KLF12: variants seen among roughly 807,000 people sequenced by gnomAD.
KLF12 encodes Krueppel-like factor 12.
KLF12 carries 9 observed loss-of-function variants against 37.8 expected under a neutral mutation model. The observed-to-expected ratio is 0.24, with a 90% CI of 0.14 to 0.42. The LOEUF is 0.42. Ranked by LOEUF, KLF12 falls within the 10% of genes least tolerant of loss-of-function variation. The pLI, the probability that KLF12 is intolerant of heterozygous loss-of-function variation, is 1.00. For missense variants in KLF12, 411 were observed against 516.0 expected (o/e 0.80, Z 1.97); for synonymous variants, 208 against 202.1 (o/e 1.03, Z -0.25).
chr13:74,033,152 A>G (rs1490673846), intron 1 of KLF12, among the ~76,000 whole-genome samples: 1 of 152,218 alleles, frequency 6.6e-6, no homozygotes, highest in African/African-American at 2.4e-5. Context: ...ACATTAAGAA[A>G]TGAAAACACC....
the KLF12 span, among the ~76,000 whole-genome samples, chr13:74,187,612 T>C: frequency 6.6e-6 from 1 of 152,196 alleles, no homozygotes; most frequent in Non-Finnish European, 1.5e-5. Context: ...AGACAGTAAG[T>C]AAATATTTGA....
At chr13:73,732,068 G>A (rs1566326281) in intron 6 of KLF12, among the ~76,000 whole-genome samples, 1 of 147,202 alleles carries the variant, frequency 6.8e-6, no homozygotes, top group Non-Finnish European at 1.5e-5. Flanking sequence ...TGTGTTAACT[G>A]TAATTATTAA....
At chr13:74,069,418 G>A (rs901934737) in intron 1 of KLF12, among the ~76,000 whole-genome samples, 6 of 152,172 alleles carry the variant, frequency 3.9e-5, no homozygotes, top group Non-Finnish European at 7.3e-5. Flanking sequence ...CCTGCAGAGT[G>A]AGTTATGGTG....
At chr13:73,919,594 G>T (rs1319590685) in intron 3 of KLF12, among the ~76,000 whole-genome samples, 1 of 152,122 alleles carries the variant, frequency 6.6e-6, no homozygotes, top group Non-Finnish European at 1.5e-5. Flanking sequence ...TGTACAGTTT[G>T]CCCTAACGGG....
chr13:73,945,251 C>G (rs907462849), intron 2 of KLF12, among the ~76,000 whole-genome samples: 2 of 152,024 alleles, frequency 1.3e-5, no homozygotes, highest in African/African-American at 2.4e-5. Flanking sequence ...GGTGGATCAC[C>G]TGAGGTCAGG....
chr13:74,024,382 C>G (rs987404467), intron 1 of KLF12, among the ~76,000 whole-genome samples: 1 of 152,184 alleles, frequency 6.6e-6, no homozygotes, highest in Admixed American at 6.5e-5. Flanking sequence ...TTTGATTGTA[C>G]TCACTATATA....
chr13:73,882,140 T>C (rs17061638), intron 3 of KLF12, among the ~76,000 whole-genome samples: 3,915 of 152,306 alleles, frequency 0.026, 83 homozygotes, highest in South Asian at 0.056. Flanking sequence ...GCTACTCTTA[T>C]CTTTTACCTG....
chr13:73,907,631 A>G (rs1384939601), intron 3 of KLF12, among the ~76,000 whole-genome samples: 1 of 152,206 alleles, frequency 6.6e-6, no homozygotes, highest in Non-Finnish European at 1.5e-5. Flanking sequence ...CAAGACCCAG[A>G]GTAGTTAAGT....
At position 73,818,305 on chromosome 13, in the gene KLF12, C is replaced by T. The variant is rs182158034; in HGVS notation, c.671-5018G>A. Reference sequence around the variant, plus strand: ...GGATTACAGGCGACAGCCACTGCGCCGGCCGAACACTTTTTCAGCTCTTCT... The same window carrying T: ...GGATTACAGGCGACAGCCACTGCGCTGGCCGAACACTTTTTCAGCTCTTCT... On this transcript the variant is annotated intron_variant, in intron 4 of 7. Transcript: ENST00000377669. 4.6e-5 allele frequency among the ~76,000 whole-genome samples: 7 copies of T among 152,356 alleles called. No individual in the cohort carries two copies. In the East Asian group the frequency reaches 7.7e-4, roughly 17 times the overall value.
intron 1 of KLF12, among the ~76,000 whole-genome samples, chr13:74,003,323 A>G (rs1892328680): frequency 6.6e-6 from 1 of 152,192 alleles, no homozygotes; most frequent in Non-Finnish European, 1.5e-5. Flanking sequence ...GAATTTGAGA[A>G]TAATCATACA....
At chr13:74,294,047 G>T in the KLF12 span, among the ~76,000 whole-genome samples, 2 of 152,156 alleles carry the variant, frequency 1.3e-5, no homozygotes, top group African/African-American at 2.4e-5. Context: ...AGCCGTCAAA[G>T]GGACCTTATT....
chr13:74,180,188 T>C, the KLF12 span, among the ~76,000 whole-genome samples: 1 of 152,102 alleles, frequency 6.6e-6, no homozygotes, highest in African/African-American at 2.4e-5. Flanking sequence ...CCTGAACTAA[T>C]AGTAGGTGTT....
the KLF12 span, among the ~76,000 whole-genome samples, chr13:74,165,873 C>T: frequency 2.9e-3 from 449 of 152,310 alleles, 1 homozygote; most frequent in Middle Eastern, 0.014. Context: ...TAGGATCCCA[C>T]ATTGCCTGAG....
intron 1 of KLF12, among the ~76,000 whole-genome samples, chr13:74,097,382 C>A (rs1022854780): frequency 2.6e-5 from 4 of 152,174 alleles, no homozygotes; most frequent in Non-Finnish European, 5.9e-5. Context: ...ATTACCTAAG[C>A]TTGCTCTGAC....
At chr13:73,978,646 T>C (rs1194449240) in intron 2 of KLF12, among the ~76,000 whole-genome samples, 1 of 152,206 alleles carries the variant, frequency 6.6e-6, no homozygotes, top group Non-Finnish European at 1.5e-5. Context: ...GGCTTAATGA[T>C]CTAGTAATCT....
At chr13:73,917,239 A>G (rs1471979061) in intron 3 of KLF12, among the ~76,000 whole-genome samples, 3 of 152,172 alleles carry the variant, frequency 2.0e-5, no homozygotes, top group Non-Finnish European at 4.4e-5. Flanking sequence ...AACTCAATAC[A>G]TAGCATTTGT....
At chr13:73,705,929 G>A (rs7981844) in intron 7 of KLF12, among the ~76,000 whole-genome samples, 9,215 of 152,176 alleles carry the variant, frequency 0.061, 309 homozygotes, top group South Asian at 0.15. Context: ...AGAGGTGGGT[G>A]GATCACAAGG....
intron 1 of KLF12, among the ~76,000 whole-genome samples, chr13:74,001,106 A>G (rs1261701438): frequency 6.6e-6 from 1 of 152,234 alleles, no homozygotes; most frequent in Non-Finnish European, 1.5e-5. Context: ...GCATTCTGCC[A>G]AAAGTAACTT....
the KLF12 span, among the ~76,000 whole-genome samples, chr13:74,139,238 T>C: frequency 3.9e-5 from 6 of 152,258 alleles, no homozygotes; most frequent in African/African-American, 1.2e-4. Context: ...TTCTCACACC[T>C]TTCTACTTCC....
Sources: gnomAD v4.1 joint callset for allele counts (sites outside exome capture counted in the v4.1 genomes callset) on GRCh38, gnomAD v4.1.1 for gene constraint, MANE v1.5 for transcripts, NCBI Gene and HGNC (gene_info 2026-07-23, HGNC 2026-07-21) for gene names.